EXOC4: variants seen among roughly 807,000 people sequenced by gnomAD.
EXOC4 encodes the protein SEC8-like 1.
EXOC4 carries 71 observed loss-of-function variants against 107.2 expected under a neutral mutation model. The ratio of observed to expected loss-of-function variants is 0.66; its 90% CI spans 0.55 to 0.81. The LOEUF is 0.81. Ranked by LOEUF, EXOC4 falls within the 30% of genes least tolerant of loss-of-function variation. EXOC4 has a pLI of 0.00. For missense variants in EXOC4, 1,108 were observed against 1,189.6 expected (o/e 0.93, Z 1.01); for synonymous variants, 456 against 441.2 (o/e 1.03, Z -0.42).
At chr7:133,700,058 G>C (rs1199605301) in intron 10 of EXOC4, among the ~76,000 whole-genome samples, 5 of 152,134 alleles carry the variant, frequency 3.3e-5, no homozygotes, top group African/African-American at 1.2e-4. Context: ...ACCTGCATTT[G>C]CCCAGCTACA....
chr7:133,843,704 A>G (rs1798066545), intron 11 of EXOC4, among the ~76,000 whole-genome samples: 1 of 152,100 alleles, frequency 6.6e-6, no homozygotes, highest in Admixed American at 6.5e-5. Context: ...AATATGTTGA[A>G]TTGGAGTGGT....
chr7:133,832,845 TGTG>T (rs552573380), intron 11 of EXOC4, among the ~76,000 whole-genome samples: 36 of 152,264 alleles, frequency 2.4e-4, no homozygotes, highest in Admixed American at 4.6e-4. Flanking sequence ...TCAGTGGGCT[TGTG>T]GTGGTGGTAG....
intron 10 of EXOC4, among the ~76,000 whole-genome samples, chr7:133,816,467 T>C (rs528259839): frequency 1.3e-5 from 2 of 152,292 alleles, no homozygotes; most frequent in South Asian, 2.1e-4. Flanking sequence ...GCAAGTAAGG[T>C]TGAAGTTCTC....
At chr7:134,093,466 A>G in the EXOC4 span, among the ~76,000 whole-genome samples, 1 of 152,310 alleles carries the variant, frequency 6.6e-6, no homozygotes, top group East Asian at 1.9e-4. Context: ...ACTGCCACAC[A>G]ATAACAGAGC....
chr7:133,970,783 C>G (rs1801202584), intron 14 of EXOC4, among the ~76,000 whole-genome samples: 2 of 152,260 alleles, frequency 1.3e-5, no homozygotes, highest in South Asian at 2.1e-4. Flanking sequence ...CCGAGCTGTT[C>G]CTATTCAGCC....
At chr7:133,927,816 C>T (rs1341890687) in intron 13 of EXOC4, among the ~76,000 whole-genome samples, 1 of 152,154 alleles carries the variant, frequency 6.6e-6, no homozygotes, top group African/African-American at 2.4e-5. Flanking sequence ...GAGAAGCTGA[C>T]TTAAATCTCA....
intron 10 of EXOC4, among the ~76,000 whole-genome samples, chr7:133,654,718 G>A (rs531087258): frequency 3.9e-5 from 6 of 152,212 alleles, no homozygotes; most frequent in Admixed American, 2.6e-4. Flanking sequence ...TAACCATGGG[G>A]ATGTGTTCTG....
At chr7:133,276,641 C>T (rs1490408149) in intron 2 of EXOC4, among the ~76,000 whole-genome samples, 1 of 152,104 alleles carries the variant, frequency 6.6e-6, no homozygotes, top group Non-Finnish European at 1.5e-5. Context: ...TCCAAAGCAT[C>T]ATACTTGGTT....
At chr7:133,819,069 A>T (rs1797444700) in intron 11 of EXOC4, among the ~76,000 whole-genome samples, 1 of 151,946 alleles carries the variant, frequency 6.6e-6, no homozygotes, top group African/African-American at 2.4e-5. Context: ...ATAACAGGAG[A>T]TCCTGCCAGG....
chr7:133,768,182 A>C (rs1796176436), intron 10 of EXOC4: 1 of 152,006 alleles, frequency 6.6e-6, no homozygotes, highest in South Asian at 2.1e-4. Flanking sequence ...TGCTTATCAC[A>C]TTTATCCTCT....
intron 11 of EXOC4, among the ~76,000 whole-genome samples, chr7:133,882,597 A>G (rs34275586): frequency 6.6e-6 from 1 of 152,334 alleles, no homozygotes; most frequent in African/African-American, 2.4e-5. Flanking sequence ...GGAAGACCTA[A>G]TCTGGTACGA....
the EXOC4 span, among the ~76,000 whole-genome samples, chr7:134,084,709 T>TAAAAAAAAAAAAAAAAAAAAAAAA: frequency 1.2e-5 from 1 of 83,182 alleles, no homozygotes; most frequent in African/African-American, 5.0e-5. Context: ...GGTGCAGCCG[T>TAAAAAAAAAAAAAAAAAAAAAAAA]AAAAAAAAAA....
intron 9 of EXOC4, among the ~76,000 whole-genome samples, chr7:133,543,320 TTTAA>T (rs985370547): frequency 2.0e-5 from 3 of 152,296 alleles, no homozygotes; most frequent in African/African-American, 4.8e-5. Flanking sequence ...GATGATATAA[TTTAA>T]TTAATTCTGT....
intron 11 of EXOC4, among the ~76,000 whole-genome samples, chr7:133,886,935 T>C (rs913964240): frequency 6.6e-6 from 1 of 152,234 alleles, no homozygotes; most frequent in Non-Finnish European, 1.5e-5. Flanking sequence ...GTGTCATTTT[T>C]CTTGAAGAGA....
intron 7 of EXOC4, among the ~76,000 whole-genome samples, chr7:133,473,122 C>CT (rs1414359385): frequency 1.3e-5 from 2 of 152,054 alleles, no homozygotes; most frequent in Non-Finnish European, 2.9e-5. Flanking sequence ...GTTTACCAGT[C>CT]TTTTTTTGAT....
chr7:134,064,552 G>C lies in EXOC4; in HGVS notation c.*24G>C. 2.0e-6 allele frequency: 3 copies of C among 1,495,096 alleles called. No homozygotes were observed. Among genetic ancestry groups the C allele is most frequent in the Non-Finnish European group, 2.7e-6 (3 of 1,102,018 alleles). The allele number at this position is 1,495,096 out of a possible 1,614,324, so 92.6% of individuals were successfully genotyped here. ...AGCAGGGCGTACTGCGGTTGGTGAC[G>C]GGGGTCCCCTCAGTCACACTCACTT... On this transcript the variant is annotated 3_prime_UTR_variant, in exon 18 of 18. Transcript: ENST00000253861.
intron 10 of EXOC4, among the ~76,000 whole-genome samples, chr7:133,813,209 A>G (rs1797279052): frequency 6.6e-6 from 1 of 152,202 alleles, no homozygotes; most frequent in South Asian, 2.1e-4. Context: ...GCTGCTCAGC[A>G]CAGTTCATAT....
chr7:133,842,382 G>C (rs922593885), intron 11 of EXOC4, among the ~76,000 whole-genome samples: 4 of 152,102 alleles, frequency 2.6e-5, no homozygotes, highest in Non-Finnish European at 5.9e-5. Context: ...ATTTTGATTT[G>C]CTTTTCTTTA....
chr7:133,956,728 A>C (rs1209306079), intron 14 of EXOC4, among the ~76,000 whole-genome samples: 1 of 152,224 alleles, frequency 6.6e-6, no homozygotes, highest in Non-Finnish European at 1.5e-5. Context: ...CACATAACAG[A>C]ACTTCAGCCA....
Sources: allele counts gnomAD v4.1 joint callset (sites outside exome capture counted in the v4.1 genomes callset), GRCh38; gene constraint gnomAD v4.1.1; transcripts MANE v1.5; gene names NCBI Gene and HGNC (gene_info 2026-07-23, HGNC 2026-07-21).